Variants in SLC35F4 observed in about 807,000 individuals in gnomAD.
The protein encoded by SLC35F4 is solute carrier family 35 member F4.
SLC35F4 carries 24 observed loss-of-function variants against 44.2 expected under a neutral mutation model. The ratio of observed to expected loss-of-function variants is 0.54; its 90% confidence interval spans 0.39 to 0.76. The LOEUF (loss-of-function observed/expected upper bound fraction) is 0.76, where lower values mean the gene tolerates loss of function less well. SLC35F4 is among the 30% of genes least tolerant of loss of function. The pLI is 0.00. For missense variants in SLC35F4, 562 were observed against 586.1 expected (o/e 0.96, Z 0.42); for synonymous variants, 238 against 223.6 (o/e 1.06, Z -0.57).
chr14:57,708,088 C>T lies in SLC35F4; in HGVS notation c.104-113964G>A, dbSNP rs1051449490. ...TCTGGCTCCAAGAGTCTGAACCTCC[C>T]CCACTTGCTCCTGGGGATAACATGA... On this transcript the variant is annotated intron_variant, in intron 1 of 7. Coordinates refer to ENST00000556826, the MANE Select transcript of SLC35F4 (RefSeq NM_001306087.2). Among the ~76,000 whole-genome samples, 3 of 152,292 alleles carry T rather than the reference C, an allele frequency of 2.0e-5. No individual in the cohort carries two copies. In the South Asian group the frequency reaches 6.2e-4, roughly 32 times the overall value.
intron 1 of SLC35F4, among the ~76,000 whole-genome samples, chr14:57,900,310 C>T (rs1422642792): frequency 1.3e-5 from 2 of 152,184 alleles, no homozygotes; most frequent in Admixed American, 6.5e-5. Context: ...AGCAAACATC[C>T]GAGGATTCTT....
At chr14:57,714,377 T>A (rs2075886344) in intron 1 of SLC35F4, among the ~76,000 whole-genome samples, 1 of 152,204 alleles carries the variant, frequency 6.6e-6, no homozygotes, top group Admixed American at 6.5e-5. Context: ...CCAGACCAGC[T>A]AAAATGTGTT....
chr14:57,947,904 G>A (rs989510694), intron 1 of SLC35F4, among the ~76,000 whole-genome samples: 1 of 152,096 alleles, frequency 6.6e-6, no homozygotes, highest in Non-Finnish European at 1.5e-5. Context: ...TTATCTTTTT[G>A]ATATGCTGTT....
intron 1 of SLC35F4, among the ~76,000 whole-genome samples, chr14:57,641,122 G>T (rs1353012137): frequency 6.6e-6 from 1 of 151,890 alleles, no homozygotes; most frequent in Admixed American, 6.6e-5. Context: ...TAGCCTTAGA[G>T]AGAAAGCAAA....
At chr14:57,670,531 G>A (rs919049267) in intron 1 of SLC35F4, among the ~76,000 whole-genome samples, 12 of 151,850 alleles carry the variant, frequency 7.9e-5, no homozygotes, top group African/African-American at 2.7e-4. Context: ...GGTATGTTGT[G>A]TCTTTGTTCT....
At chr14:57,580,737 T>C (rs1017903795) in intron 4 of SLC35F4, among the ~76,000 whole-genome samples, 3 of 152,128 alleles carry the variant, frequency 2.0e-5, no homozygotes, top group South Asian at 2.1e-4. Flanking sequence ...TTTAACAGCA[T>C]TGTGCCATTA....
At chr14:57,742,764 A>T (rs904292169) in intron 1 of SLC35F4, among the ~76,000 whole-genome samples, 1 of 152,220 alleles carries the variant, frequency 6.6e-6, no homozygotes, top group Non-Finnish European at 1.5e-5. Context: ...AATCAACAGA[A>T]CATATATTCT....
chr14:57,815,583 A>G lies in SLC35F4; in HGVS notation c.103+50140T>C, dbSNP rs957658293. On this transcript the variant is annotated intron_variant, in intron 1 of 7. Transcript: ENST00000556826. The stretch of plus-strand genomic sequence containing the variant: ...AAAAATCAGTCTCTCAATTTTTAAT[A>G]TGTGACCCTTCTTACTTCTACCTCT... 7.2e-5 allele frequency among the ~76,000 whole-genome samples: 11 copies of G among 152,190 alleles called. 1 individual carries two copies. Among genetic ancestry groups the G allele is most frequent in the Admixed American group, 3.9e-4 (6 of 15,278 alleles).
intron 3 of SLC35F4, among the ~76,000 whole-genome samples, chr14:57,583,533 C>T (rs1486984013): frequency 6.6e-6 from 1 of 152,180 alleles, no homozygotes; most frequent in Non-Finnish European, 1.5e-5. Flanking sequence ...AGGAACACTC[C>T]AATCCCACAG....
At chr14:57,919,749 C>A (rs898810283) in intron 1 of SLC35F4, among the ~76,000 whole-genome samples, 2 of 152,108 alleles carry the variant, frequency 1.3e-5, no homozygotes, top group Non-Finnish European at 2.9e-5. Flanking sequence ...CAATGGGAAG[C>A]CCAGGCAGAG....
At chr14:57,915,587 T>C (rs1889311361) in intron 1 of SLC35F4, among the ~76,000 whole-genome samples, 2 of 152,190 alleles carry the variant, frequency 1.3e-5, no homozygotes, top group Admixed American at 1.3e-4. Context: ...CCACCCGATA[T>C]ACTATTTTAT....
intron 1 of SLC35F4, among the ~76,000 whole-genome samples, chr14:57,967,231 T>A (rs570831925): frequency 3.3e-5 from 5 of 151,918 alleles, no homozygotes; most frequent in African/African-American, 1.2e-4. Context: ...TAAGGAAATT[T>A]TTAATTGTGT....
At chr14:57,707,968 A>G (rs991705069) in intron 1 of SLC35F4, among the ~76,000 whole-genome samples, 1 of 152,208 alleles carries the variant, frequency 6.6e-6, no homozygotes, top group Admixed American at 6.5e-5. Flanking sequence ...CCCTTTCCCA[A>G]AAATACCCCC....
At chr14:57,981,276 C>T (rs148769650) in intron 1 of SLC35F4, among the ~76,000 whole-genome samples, 6 of 152,274 alleles carry the variant, frequency 3.9e-5, no homozygotes, top group East Asian at 1.9e-4. Flanking sequence ...TCATTTCCCA[C>T]GTGGCAGAGA....
At chr14:57,576,646 G>A (rs2068807841) in intron 4 of SLC35F4, among the ~76,000 whole-genome samples, 1 of 146,212 alleles carries the variant, frequency 6.8e-6, no homozygotes, top group Non-Finnish European at 1.5e-5. Flanking sequence ...AAAAATAAGA[G>A]GTGTGGCAAT....
At position 57,606,979 on chromosome 14, in the gene SLC35F4, A is replaced by G. The variant is rs371695075; in HGVS notation, c.104-12855T>C. On this transcript the variant is annotated intron_variant, in intron 1 of 7. Transcript: ENST00000556826. ...CCTGCCCCTCTGCTAAGCACAGGGA[A>G]GAACAAGAAGGCATGGTGCTTGCCC... 1.1e-4 allele frequency among the ~76,000 whole-genome samples: 17 copies of G among 152,334 alleles called. No individual in the cohort carries two copies. The East Asian group carries it at 2.9e-3, about 26-fold the overall frequency.
chr14:57,588,991 CATA>C (rs781159988), intron 3 of SLC35F4, among the ~76,000 whole-genome samples: 7 of 152,098 alleles, frequency 4.6e-5, no homozygotes, highest in Non-Finnish European at 1.0e-4. Flanking sequence ...TACCACCGGT[CATA>C]ATAAGTTATG....
At chr14:57,644,257 C>G (rs1003756218) in intron 1 of SLC35F4, among the ~76,000 whole-genome samples, 46 of 152,288 alleles carry the variant, frequency 3.0e-4, no homozygotes, top group Admixed American at 2.5e-3. Context: ...GTTCCTATTT[C>G]TCCACATCCT....
At chr14:57,802,297 A>G (rs1220180041) in intron 1 of SLC35F4, among the ~76,000 whole-genome samples, 2 of 152,194 alleles carry the variant, frequency 1.3e-5, no homozygotes, top group African/African-American at 2.4e-5. Context: ...CAAAAAGATA[A>G]TGTACCAAAA....
Sources: allele counts gnomAD v4.1 joint callset (sites outside exome capture counted in the v4.1 genomes callset), GRCh38; gene constraint gnomAD v4.1.1; transcripts MANE v1.5; gene names NCBI Gene and HGNC (gene_info 2026-07-23, HGNC 2026-07-21).